The following PDE5A variants were observed in gnomAD, a reference collection of about 807,000 sequenced individuals.
PDE5A encodes phosphodiesterase 5A.
PDE5A carries 67 observed loss-of-function variants against 110.2 expected under a neutral mutation model. The observed-to-expected ratio is 0.61, with a 90% CI of 0.50 to 0.75. PDE5A has a LOEUF of 0.75. Ranked by LOEUF, PDE5A falls within the 30% of genes least tolerant of loss-of-function variation. The pLI is 0.00. For missense variants in PDE5A, 862 were observed against 1,045.1 expected (o/e 0.82, Z 2.42); for synonymous variants, 328 against 351.2 (o/e 0.93, Z 0.74).
chr4:119,512,757 T>C (rs995196641), intron 14 of PDE5A: 1 of 152,040 alleles, frequency 6.6e-6, no homozygotes, highest in African/African-American at 2.4e-5. Context: ...TGATTAAAGA[T>C]GGGGGATGAA....
intron 9 of PDE5A, among the ~76,000 whole-genome samples, chr4:119,547,214 T>G (rs1727163478): frequency 1.3e-5 from 2 of 151,580 alleles, no homozygotes; most frequent in Admixed American, 1.3e-4. Context: ...TTATAGAAAT[T>G]CCCCATTTCA....
At chr4:119,565,144 A>C (rs975670909) in intron 5 of PDE5A, among the ~76,000 whole-genome samples, 177 bp downstream of exon 5, 2 of 152,178 alleles carry the variant, frequency 1.3e-5, no homozygotes, top group Non-Finnish European at 2.9e-5. Flanking sequence ...TTGTCTAATA[A>C]GATAAACAAC....
chr4:119,533,275 C>G (rs578012510), intron 11 of PDE5A, among the ~76,000 whole-genome samples: 1 of 152,240 alleles, frequency 6.6e-6, no homozygotes, highest in South Asian at 2.1e-4. Flanking sequence ...CTTATTGGCT[C>G]TGACCACCAC....
intron 7 of PDE5A, among the ~76,000 whole-genome samples, chr4:119,554,347 A>T (rs1009108543): frequency 1.3e-4 from 20 of 152,258 alleles, no homozygotes; most frequent in African/African-American, 4.6e-4. Context: ...TTAAAATTAA[A>T]AATTTATCTT....
At chr4:119,520,806 AT>A (rs1414147218) in intron 13 of PDE5A, 128 bp downstream of exon 13, 4 of 752,668 alleles carry the variant, frequency 5.3e-6, no homozygotes, top group Non-Finnish European at 8.2e-6. Flanking sequence ...AATATAACTT[AT>A]TATGTAAGTG....
intron 3 of PDE5A, among the ~76,000 whole-genome samples, chr4:119,570,833 A>T (rs1438717247): frequency 6.6e-6 from 1 of 152,168 alleles, no homozygotes; most frequent in East Asian, 1.9e-4. Context: ...CAATGACAGG[A>T]CTCTAGACAG....
At chr4:119,499,430 T>C (rs1725210294) in intron 20 of PDE5A, 1 of 152,238 alleles carries the variant, frequency 6.6e-6, no homozygotes, top group Non-Finnish European at 1.5e-5. Context: ...ATGAAAAGTA[T>C]ATGAAAATGT....
At chr4:119,540,347 G>A in intron 10 of PDE5A, among the ~76,000 whole-genome samples, 1 of 152,126 alleles carries the variant, frequency 6.6e-6, no homozygotes, top group Admixed American at 6.6e-5. Context: ...ATTTAGAACT[G>A]TTACCATACT....
intron 11 of PDE5A, among the ~76,000 whole-genome samples, chr4:119,538,212 T>G (rs752156231): frequency 6.6e-6 from 1 of 152,100 alleles, no homozygotes; most frequent in Non-Finnish European, 1.5e-5. Flanking sequence ...AAGATGTACA[T>G]AAGGGCACAA....
At chr4:119,552,329 A>G (rs913528070) in intron 9 of PDE5A, 1 of 290,950 alleles carries the variant, frequency 3.4e-6, no homozygotes, top group East Asian at 6.7e-5. Flanking sequence ...TCTTAAACAA[A>G]AAATTCTGCT....
At chr4:119,544,341 C>T in intron 9 of PDE5A, among the ~76,000 whole-genome samples, 1 of 152,144 alleles carries the variant, frequency 6.6e-6, no homozygotes, top group African/African-American at 2.4e-5. Flanking sequence ...TCAAGGGAAA[C>T]TTTAGACAAG....
chr4:119,536,431 C>G (rs1421226630), intron 11 of PDE5A, among the ~76,000 whole-genome samples: 1 of 152,110 alleles, frequency 6.6e-6, no homozygotes, highest in African/African-American at 2.4e-5. Flanking sequence ...TGCTCGAAAA[C>G]TACATCCTTC....
chr4:119,530,160 T>C (rs1726479491), intron 11 of PDE5A, among the ~76,000 whole-genome samples: 1 of 152,144 alleles, frequency 6.6e-6, no homozygotes, highest in South Asian at 2.1e-4. Flanking sequence ...GACCCAGTGG[T>C]GACTGCCATA....
chr4:119,626,509 A>C (rs1359341752), intron 1 of PDE5A, among the ~76,000 whole-genome samples: 1 of 152,226 alleles, frequency 6.6e-6, no homozygotes, highest in African/African-American at 2.4e-5. Flanking sequence ...GAACAGGTCC[A>C]ATACATACTT....
chr4:119,508,070 A>G (rs1242007859), intron 15 of PDE5A, among the ~76,000 whole-genome samples: 1 of 152,024 alleles, frequency 6.6e-6, no homozygotes, highest in Non-Finnish European at 1.5e-5. Context: ...ATATGAAGAA[A>G]GAAGTGGTAA....
At chr4:119,549,372 G>A (rs1727257598) in intron 9 of PDE5A, 1 of 152,182 alleles carries the variant, frequency 6.6e-6, no homozygotes, top group African/African-American at 2.4e-5. Context: ...CATTGTGGAA[G>A]TAAAAAACAG....
chr4:119,510,626 A>G (rs1725705088), intron 15 of PDE5A, among the ~76,000 whole-genome samples: 1 of 152,092 alleles, frequency 6.6e-6, no homozygotes, highest in Non-Finnish European at 1.5e-5. Context: ...AAGTAGTTAA[A>G]TAGCTTTATT....
rs142828505 is a variant in PDE5A at position 119,562,841 on chromosome 4, C to T, written c.1123G>A (p.Asp375Asn). 5.1e-6 allele frequency: 8 copies of T among 1,572,800 alleles called. No homozygotes were observed. The Admixed American group carries it at 1.2e-4, about 24-fold the overall frequency. Residue 375 changes from aspartate to asparagine, a missense_variant, in exon 6 of 21, where the codon GAT becomes AAT. Asp to Asn is a conservative substitution (Grantham distance 23). Transcript: ENST00000354960. ...TCATACTCTGTACTCACGGAGCAAT[C>T]TTCATCCACTATGAAAATGGTGCAT... ...QKCTIFIVDE[D>N]CSDSFSSVFH...
intron 3 of PDE5A, among the ~76,000 whole-genome samples, chr4:119,575,126 C>A (rs536800071): frequency 5.3e-5 from 8 of 152,036 alleles, no homozygotes; most frequent in African/African-American, 1.4e-4. Context: ...TGAGAAGAGA[C>A]GTTTAGAGAA....
Sources: allele counts gnomAD v4.1 joint callset (sites outside exome capture counted in the v4.1 genomes callset), GRCh38; gene constraint gnomAD v4.1.1; transcripts MANE v1.5; gene names NCBI Gene and HGNC (gene_info 2026-07-23, HGNC 2026-07-21).